The following FREM3 variants were observed in gnomAD, a reference collection of about 807,000 sequenced individuals.
FREM3 encodes the protein FRAS1 related extracellular matrix 3.
In FREM3, 105 loss-of-function variants were observed where a neutral mutation model predicts 129.1. That is an observed-to-expected ratio of 0.81 (90% CI 0.69 to 0.96). The LOEUF (loss-of-function observed/expected upper bound fraction) is 0.96. Ranked by LOEUF, FREM3 falls within the 40% of genes least tolerant of loss-of-function variation. The pLI is 0.00. For missense variants in FREM3, 2,593 were observed against 2,666.3 expected (o/e 0.97, Z 0.61); for synonymous variants, 1,014 against 1,044.9 (o/e 0.97, Z 0.57).
intron 2 of FREM3, among the ~76,000 whole-genome samples, chr4:143,689,655 GA>G (rs1159392481): frequency 6.6e-6 from 1 of 151,702 alleles, no homozygotes; most frequent in Non-Finnish European, 1.5e-5. Context: ...TAAACGAGTG[GA>G]TAAAGAAACT....
chr4:143,608,824 AATAG>A (rs1202476625), intron 6 of FREM3, among the ~76,000 whole-genome samples: 5 of 152,168 alleles, frequency 3.3e-5, no homozygotes, highest in Admixed American at 6.5e-5. Context: ...TAAAAGACAA[AATAG>A]ATAGCTTAAA....
At chr4:143,580,075 T>C (rs1738104501) in intron 7 of FREM3, among the ~76,000 whole-genome samples, 1 of 152,070 alleles carries the variant, frequency 6.6e-6, no homozygotes, top group Non-Finnish European at 1.5e-5. Context: ...CAGTGAGAAA[T>C]GACCCTGTCT....
intron 2 of FREM3, among the ~76,000 whole-genome samples, chr4:143,675,125 A>T (rs1378547414): frequency 6.6e-6 from 1 of 152,228 alleles, no homozygotes; most frequent in Non-Finnish European, 1.5e-5. Flanking sequence ...TCCAAAATTG[A>T]CCACATAGTT....
In FREM3 at chr4:143,697,866, T is replaced by A. The variant is rs1323421750; in HGVS notation, c.2810A>T (p.Asn937Ile). The part of the protein sequence containing the change: ...PITIPISVHP[N>I]VANRSPRISL... Reference sequence around the variant, plus strand: ...GATCCTAGGACTTCTGTTAGCCACATTGGGATGCACAGAAATTGGGATGGT... The same window carrying A: ...GATCCTAGGACTTCTGTTAGCCACAATGGGATGCACAGAAATTGGGATGGT... The change falls in exon 1 of 8, where the codon AAT (asparagine) becomes ATT (isoleucine). Residue 937 changes from asparagine to isoleucine, a missense_variant. By Grantham distance (149) the Asn-to-Ile change is moderately radical. Around this residue, in one of 2 missense-constraint regions of FREM3, gnomAD observed 2,276 missense variants for 2,267.2 expected, o/e 1.00. Transcript: ENST00000329798. 1 of 1,537,836 alleles carries A rather than the reference T, an allele frequency of 6.5e-7. No individual in the cohort carries two copies. Among genetic ancestry groups the A allele is most frequent in the South Asian group, 1.2e-5 (1 of 84,060 alleles).
intron 2 of FREM3, among the ~76,000 whole-genome samples, chr4:143,658,448 G>A (rs925449523): frequency 2.0e-5 from 3 of 152,194 alleles, no homozygotes; most frequent in Non-Finnish European, 4.4e-5. Context: ...CCAGAATGGT[G>A]AGAAATACAT....
In FREM3 at chr4:143,696,649, T is replaced by C; in HGVS notation, c.4027A>G (p.Ser1343Gly). The change falls in exon 1 of 8, where the codon AGT becomes GGT. Residue 1343 changes from serine to glycine, a missense_variant. Ser to Gly is a moderately conservative substitution (Grantham distance 56). This residue lies in a region of FREM3 where 2,276 missense variants were observed against 2,267.2 expected (regional missense o/e 1.00). Transcript: ENST00000329798. Reference protein sequence around the residue: ...TDLDSDDKSLSFVLHSGPQQG... With the variant: ...TDLDSDDKSLGFVLHSGPQQG... ...TGAGGCCCAGAATGGAGGACAAAACTGAGGCTTTTATCATCTGAGTCAAGA... is the reference window on the plus strand; with the variant it reads ...TGAGGCCCAGAATGGAGGACAAAACCGAGGCTTTTATCATCTGAGTCAAGA... 1 of 1,537,908 alleles carries C rather than the reference T, an allele frequency of 6.5e-7. No individual in the cohort carries two copies. The highest frequency in any genetic ancestry group is 8.7e-7 in the Non-Finnish European group (1 of 1,147,054).
chr4:143,592,255 T>G (rs1738378222), intron 6 of FREM3, among the ~76,000 whole-genome samples: 1 of 152,178 alleles, frequency 6.6e-6, no homozygotes, highest in Admixed American at 6.5e-5. Context: ...AGGTTAGTAT[T>G]GTTATGTGTG....
In FREM3 at chr4:143,621,057, A is replaced by G. The variant is rs1738938336; in HGVS notation, c.5759T>C (p.Val1920Ala). Residue 1920 changes from valine (V) to alanine (A), a missense_variant, in exon 5 of 8, where the codon GTC becomes GCC. Coordinates refer to ENST00000329798, the MANE Select transcript of FREM3 (RefSeq NM_001168235.2). ...CATACCTTGACGTGTGGAGCAAATGACGATTAGTTCCTGGCTTGCATCTCC... is the reference window on the plus strand; with the variant it reads ...CATACCTTGACGTGTGGAGCAAATGGCGATTAGTTCCTGGCTTGCATCTCC... ...RSGDASQELIVICSTRQGSAT... is the reference protein window; with the variant it reads ...RSGDASQELIAICSTRQGSAT... 2.6e-6 allele frequency: 4 copies of G among 1,537,228 alleles called. No individual in the cohort carries two copies. In the Admixed American group the frequency reaches 7.8e-5, roughly 30 times the overall value.
chr4:143,631,384 C>T (rs1739137733), intron 2 of FREM3, among the ~76,000 whole-genome samples: 2 of 152,142 alleles, frequency 1.3e-5, no homozygotes, highest in Admixed American at 6.5e-5. Context: ...TGCTTTGTCA[C>T]CTAGGCTGGA....
At chr4:143,593,111 A>G (rs955775423) in intron 6 of FREM3, among the ~76,000 whole-genome samples, 10 of 152,072 alleles carry the variant, frequency 6.6e-5, no homozygotes, top group Admixed American at 6.5e-4. Context: ...ACTTCTCTGC[A>G]TTGGTTATTC....
At chr4:143,633,315 C>T (rs1247283268) in intron 2 of FREM3, among the ~76,000 whole-genome samples, 1 of 152,118 alleles carries the variant, frequency 6.6e-6, no homozygotes, top group Non-Finnish European at 1.5e-5. Flanking sequence ...TTTAATAGGA[C>T]TTAAATAGCA....
At chr4:143,594,872 C>G (rs1402166546) in intron 6 of FREM3, among the ~76,000 whole-genome samples, 1 of 152,180 alleles carries the variant, frequency 6.6e-6, no homozygotes, top group Non-Finnish European at 1.5e-5. Context: ...TACCTTAGCT[C>G]TGTCTGAGAA....
At chr4:143,602,246 C>T (rs1738585870) in intron 6 of FREM3, among the ~76,000 whole-genome samples, 1 of 152,178 alleles carries the variant, frequency 6.6e-6, no homozygotes, top group Non-Finnish European at 1.5e-5. Flanking sequence ...TAAACTGCTG[C>T]TGGAGACACA....
rs541841948 is a variant in FREM3 at position 143,699,715 on chromosome 4, C to T, written c.961G>A (p.Val321Met). 573 of 1,519,296 alleles carry T rather than the reference C, an allele frequency of 3.8e-4. 6 individuals are homozygous for T. The South Asian group carries it at 6.6e-3, about 17-fold the overall frequency. 94.1% of individuals were successfully genotyped at this position (1,519,296 alleles called of 1,614,324 possible). Residue 321 changes from valine (V) to methionine (M), a missense_variant, in exon 1 of 8, where the codon GTG becomes ATG. Val to Met is a conservative substitution (Grantham distance 21, BLOSUM62 1). Transcript: ENST00000329798. The surrounding 1 kb of genome is among the most constrained non-coding windows in gnomAD (Gnocchi z 4.2). ...ATMMMEVDPL[V>M]LTALTPDALA... ...GCGTCAGGCGTCAGGGCTGTCAGCA[C>T]CAGTGGATCCACCTCCATCATCATC...
chr4:143,628,428 G>A (rs565216885), intron 2 of FREM3, among the ~76,000 whole-genome samples: 1 of 152,230 alleles, frequency 6.6e-6, no homozygotes, highest in South Asian at 2.1e-4. Context: ...TGTATTGGTA[G>A]CAAGAGAAGG....
chr4:143,663,156 T>C (rs1200779385), intron 2 of FREM3, among the ~76,000 whole-genome samples: 2 of 152,156 alleles, frequency 1.3e-5, no homozygotes, highest in African/African-American at 4.8e-5. Context: ...TGCTCGTTAG[T>C]TGATGCAGTT....
At chr4:143,695,008 T>C (rs1740539178) in intron 1 of FREM3, among the ~76,000 whole-genome samples, 2 of 152,330 alleles carry the variant, frequency 1.3e-5, no homozygotes, top group East Asian at 3.9e-4. Flanking sequence ...CATAGTTCTG[T>C]GCTTTTATTA....
chr4:143,603,645 A>G (rs999792990), intron 6 of FREM3, among the ~76,000 whole-genome samples: 2 of 151,536 alleles, frequency 1.3e-5, no homozygotes, highest in African/African-American at 4.9e-5. Context: ...TATGAGAAAG[A>G]AAAAAAAACC....
rs542251477 is a variant in FREM3, at chr4:143,662,968, T to A, written c.5275+30145A>T. On this transcript the variant is annotated intron_variant, in intron 2 of 7. Coordinates refer to ENST00000329798, the MANE Select transcript of FREM3 (RefSeq NM_001168235.2). ...TTCCTCCATCCTTTTATTTTGAGCC[T>A]ATGTGTATTTCTGCAGGTGAGATGG... 3.4e-3 allele frequency among the ~76,000 whole-genome samples: 513 copies of A among 152,286 alleles called. 9 individuals carry two copies. Among genetic ancestry groups the A allele is most frequent in the Non-Finnish European group, 2.6e-3 (176 of 68,006 alleles).
Sources: gnomAD v4.1 joint callset for allele counts (sites outside exome capture counted in the v4.1 genomes callset) on GRCh38, gnomAD v4.1.1 for gene constraint, gnomAD v4.1.1 regional missense constraint, Gnocchi (gnomAD v3.1) non-coding constraint, MANE v1.5 for transcripts, NCBI Gene and HGNC (gene_info 2026-07-23, HGNC 2026-07-21) for gene names.